The following SAMMSON variants were observed in gnomAD, a reference collection of about 807,000 sequenced individuals.
SAMMSON encodes long intergenic non-protein coding RNA 1212.
At chr3:70,046,682 C>T (rs1302810324) in intron 3 of SAMMSON, among the ~76,000 whole-genome samples, 1 of 152,100 alleles carries the variant, frequency 6.6e-6, no homozygotes, top group Non-Finnish European at 1.5e-5. Flanking sequence ...CCTGCAGTTT[C>T]AACAATACGT....
At chr3:70,202,000 C>T (rs1487731987) in intron 4 of SAMMSON, among the ~76,000 whole-genome samples, 1 of 152,188 alleles carries the variant, frequency 6.6e-6, no homozygotes, top group East Asian at 1.9e-4. Flanking sequence ...TTATCTCTCT[C>T]TGAATGTATA....
chr3:70,393,355 A>C (rs1444216520), downstream of SAMMSON, among the ~76,000 whole-genome samples: 3 of 152,224 alleles, frequency 2.0e-5, no homozygotes, highest in East Asian at 5.8e-4. Context: ...GTATATATAA[A>C]GTGCTTTGTA....
rs545278120 is a variant in SAMMSON at position 70,383,350 on chromosome 3, A to T, written n.914-6224A>T. 2.1e-4 allele frequency among the ~76,000 whole-genome samples: 32 copies of T among 151,540 alleles called. No individual in the cohort carries two copies. In the East Asian group the frequency reaches 5.2e-3, roughly 25 times the overall value. ...TTGTTTTCCCTTAAAATAAAAATAA[A>T]AAAAAAAAACAACCTTATGGTCCTC... On this transcript the variant is annotated intron_variant and non_coding_transcript_variant, in intron 9 of 9. Coordinates refer to ENST00000642114, the Ensembl canonical transcript of SAMMSON.
At chr3:70,275,672 T>C (rs1445751396) in intron 6 of SAMMSON, among the ~76,000 whole-genome samples, 1 of 152,226 alleles carries the variant, frequency 6.6e-6, no homozygotes, top group African/African-American at 2.4e-5. Context: ...TCTTCATCTG[T>C]TCATCAGCGA....
rs1291787943 is a variant in SAMMSON, at chr3:70,331,738, CT to C, written n.740-22436del. Among the ~76,000 whole-genome samples, 8 of 152,306 alleles carry C rather than the reference CT, an allele frequency of 5.3e-5. No individual in the cohort carries two copies. The East Asian group carries it at 1.4e-3, about 26-fold the overall frequency. ...AAAAATTGTCAGATAATTTGCACCCCTGCCCTTTATCTAGACTATTAATGAG... is the reference window on the plus strand; with the variant it reads ...AAAAATTGTCAGATAATTTGCACCCCGCCCTTTATCTAGACTATTAATGAG... On this transcript the variant is annotated intron_variant and non_coding_transcript_variant, in intron 7 of 9. Transcript: ENST00000642114.
intron 4 of SAMMSON, among the ~76,000 whole-genome samples, chr3:70,247,116 C>T (rs1008917010): frequency 3.9e-5 from 6 of 151,912 alleles, no homozygotes; most frequent in Admixed American, 6.6e-5. Context: ...AAGATCAATT[C>T]ATGTTGCTTG....
At chr3:70,279,943 A>G (rs1702064585) in intron 6 of SAMMSON, among the ~76,000 whole-genome samples, 1 of 152,162 alleles carries the variant, frequency 6.6e-6, no homozygotes. Context: ...TCTTTGCTCC[A>G]TTACTGTAGT....
chr3:70,140,075 G>T (rs2067521833), intron 4 of SAMMSON: 1 of 153,124 alleles, frequency 6.5e-6, no homozygotes, highest in South Asian at 2.1e-4. Flanking sequence ...CTCACACTTT[G>T]CAAGAAGCAG....
downstream of SAMMSON, among the ~76,000 whole-genome samples, chr3:70,391,299 G>C (rs1263413386): frequency 1.3e-5 from 2 of 152,124 alleles, no homozygotes; most frequent in African/African-American, 4.8e-5. Context: ...GACTTAAAAG[G>C]CTCAAATGAT....
chr3:70,348,506 C>G (rs1161403395), intron 7 of SAMMSON, among the ~76,000 whole-genome samples: 1 of 152,176 alleles, frequency 6.6e-6, no homozygotes, highest in Non-Finnish European at 1.5e-5. Flanking sequence ...GCTCTAGACC[C>G]TCCATCCCCT....
intron 4 of SAMMSON, among the ~76,000 whole-genome samples, chr3:70,200,026 C>G (rs917971984): frequency 2.6e-5 from 4 of 152,134 alleles, no homozygotes; most frequent in African/African-American, 9.7e-5. Context: ...CGGCAGAAAC[C>G]TGGTAGTCAT....
At chr3:70,390,147 T>C (rs190238214), downstream of SAMMSON, among the ~76,000 whole-genome samples, 2 of 152,248 alleles carry the variant, frequency 1.3e-5, no homozygotes, top group Admixed American at 1.3e-4. Context: ...TACCACATAA[T>C]ATCTTGGCAA....
intron 4 of SAMMSON, among the ~76,000 whole-genome samples, chr3:70,235,739 A>G (rs1484970558): frequency 6.6e-6 from 1 of 152,236 alleles, no homozygotes; most frequent in Non-Finnish European, 1.5e-5. Flanking sequence ...GGCCATTGAT[A>G]ATTTATTGCT....
At chr3:70,251,125 G>A (rs960604530) in intron 6 of SAMMSON, among the ~76,000 whole-genome samples, 4 of 152,106 alleles carry the variant, frequency 2.6e-5, no homozygotes, top group Admixed American at 6.6e-5. Context: ...ACAGGCCTGT[G>A]GTTAATTGTA....
At chr3:70,332,108 C>T (rs1379618244) in intron 7 of SAMMSON, among the ~76,000 whole-genome samples, 7 of 152,104 alleles carry the variant, frequency 4.6e-5, no homozygotes, top group Admixed American at 6.5e-5. Context: ...ATATTCAAAG[C>T]AAAGGACATG....
At chr3:70,146,979 G>A (rs925581369) in intron 4 of SAMMSON, among the ~76,000 whole-genome samples, 1 of 151,984 alleles carries the variant, frequency 6.6e-6, no homozygotes, top group African/African-American at 2.4e-5. Context: ...ATCAAAGACA[G>A]GATCCATAAT....
chr3:70,219,875 G>A (rs1189262526), intron 4 of SAMMSON, among the ~76,000 whole-genome samples: 1 of 152,124 alleles, frequency 6.6e-6, no homozygotes, highest in Non-Finnish European at 1.5e-5. Context: ...ACAGTTTCCT[G>A]GAGAAGAAAC....
chr3:70,321,097 G>A (rs927766191), intron 7 of SAMMSON, among the ~76,000 whole-genome samples: 3 of 151,992 alleles, frequency 2.0e-5, no homozygotes, highest in Admixed American at 6.6e-5. Flanking sequence ...AGTATAATTG[G>A]AGTAGAAATG....
intron 2 of SAMMSON, among the ~76,000 whole-genome samples, chr3:70,415,368 AT>A (rs1701255625): frequency 6.6e-6 from 1 of 152,136 alleles, no homozygotes; most frequent in East Asian, 1.9e-4. Context: ...TAAAAAAAAA[AT>A]TTAATCACAA....
Sources: allele counts gnomAD v4.1 joint callset (sites outside exome capture counted in the v4.1 genomes callset), GRCh38; gene constraint gnomAD v4.1.1; transcripts MANE v1.5; gene names NCBI Gene and HGNC (gene_info 2026-07-23, HGNC 2026-07-21).